The following PRICKLE1 variants were observed in gnomAD, a reference collection of about 807,000 sequenced individuals.
PRICKLE1 encodes the protein prickle planar cell polarity protein 1, also known as prickle-like protein 1.
In PRICKLE1, 14 loss-of-function variants were observed where a neutral mutation model predicts 70.2. The observed-to-expected ratio is 0.20, with a 90% CI of 0.13 to 0.31. The LOEUF (loss-of-function observed/expected upper bound fraction) is 0.31. Among genes scored for constraint, PRICKLE1 ranks in the 10% least tolerant of loss-of-function variants. PRICKLE1 has a pLI of 1.00. For synonymous variants in PRICKLE1, 357 were observed against 379.9 expected (o/e 0.94, Z 0.70); for missense variants, 821 against 1,026.2 (o/e 0.80, Z 2.73).
intron 1 of PRICKLE1, chr12:42,483,033 C>T (rs925658315): frequency 6.6e-6 from 1 of 152,576 alleles, no homozygotes; most frequent in Admixed American, 6.5e-5. Flanking sequence ...GAGCCAGAGG[C>T]CGAGCTCAGG....
At chr12:42,553,269 C>A (rs1210198184) in intron 1 of PRICKLE1, among the ~76,000 whole-genome samples, 1 of 151,918 alleles carries the variant, frequency 6.6e-6, no homozygotes, top group African/African-American at 2.4e-5. Context: ...ACGGTGAAAC[C>A]CTGTCTCTAC....
chr12:42,483,529 G>A (rs1938884208), intron 1 of PRICKLE1: 1 of 152,010 alleles, frequency 6.6e-6, no homozygotes, highest in Admixed American at 6.6e-5. Context: ...ACAGAGGGCT[G>A]GGTGCCCTAC....
intron 1 of PRICKLE1, among the ~76,000 whole-genome samples, chr12:42,516,462 T>G (rs1016825114): frequency 2.6e-5 from 4 of 152,188 alleles, no homozygotes; most frequent in Admixed American, 2.0e-4. Context: ...ATCCAAGAGT[T>G]CCTGTGTCCA....
chr12:42,509,014 C>T (rs1273433505), intron 1 of PRICKLE1, among the ~76,000 whole-genome samples: 2 of 152,170 alleles, frequency 1.3e-5, no homozygotes, highest in Non-Finnish European at 2.9e-5. Context: ...TATTTTAGAA[C>T]CTGTTGCTCC....
chr12:42,560,094 A>G (rs1940482747), intron 1 of PRICKLE1, among the ~76,000 whole-genome samples: 1 of 136,566 alleles, frequency 7.3e-6, no homozygotes, highest in Non-Finnish European at 1.6e-5. Flanking sequence ...TAATTGGGAA[A>G]TCTCCTTTAA....
intron 1 of PRICKLE1, among the ~76,000 whole-genome samples, chr12:42,479,818 G>C (rs1485100165): frequency 1.3e-5 from 2 of 152,092 alleles, no homozygotes; most frequent in East Asian, 3.8e-4. Flanking sequence ...AGCCGGGCAT[G>C]GTGGCGCATG....
At chr12:42,480,284 TTTGAAAAA>T (rs1938746581) in intron 1 of PRICKLE1, among the ~76,000 whole-genome samples, 1 of 152,216 alleles carries the variant, frequency 6.6e-6, no homozygotes, top group Non-Finnish European at 1.5e-5. Flanking sequence ...GCAACCATTC[TTTGAAAAA>T]GTTTGTCTAA....
At chr12:42,515,777 T>C (rs1430904006) in intron 1 of PRICKLE1, among the ~76,000 whole-genome samples, 1 of 152,196 alleles carries the variant, frequency 6.6e-6, no homozygotes, top group Admixed American at 6.5e-5. Context: ...ACATGAGAAC[T>C]TGTTTTCTTC....
rs1050361653 is a variant in PRICKLE1 at position 42,497,328 on chromosome 12, G to A, written c.-48-24764C>T. On this transcript the variant is annotated intron_variant, in intron 1 of 7. Transcript: ENST00000345127. ...TGGGAGGCCAGGGCGGGCGGATCAC[G>A]AGGTCAGGAGATCAAGATCATCCTG... 3.0e-4 allele frequency among the ~76,000 whole-genome samples: 45 copies of A among 152,080 alleles called. 1 individual carries two copies. Among genetic ancestry groups the A allele is most frequent in the Admixed American group, 2.7e-3 (41 of 15,276 alleles).
chr12:42,512,122 C>CA lies in PRICKLE1; in HGVS notation c.-48-39559dup, dbSNP rs34323382. Among the ~76,000 whole-genome samples the CA allele has an allele frequency of 5.5e-4, 82 of 150,286 alleles. 1 individual carries two copies. In the South Asian group the frequency reaches 0.014, roughly 26 times the overall value. On this transcript the variant is annotated intron_variant, in intron 1 of 7. Coordinates refer to ENST00000345127, the MANE Select transcript of PRICKLE1 (RefSeq NM_153026.3). ...AATGCCCCAAAGGATGGTCCCATTA[C>CA]AAAAAAAAAAGATAGGGTTCAGACA...
intron 1 of PRICKLE1, among the ~76,000 whole-genome samples, chr12:42,497,459 G>A (rs765856634): frequency 2.0e-5 from 3 of 148,784 alleles, no homozygotes; most frequent in South Asian, 2.1e-4. Context: ...TGAGGTGGGC[G>A]AATGGCGTGA....
At chr12:42,548,425 A>G (rs1940249597) in intron 1 of PRICKLE1, among the ~76,000 whole-genome samples, 1 of 152,246 alleles carries the variant, frequency 6.6e-6, no homozygotes, top group South Asian at 2.1e-4. Flanking sequence ...CTTCGTAAGC[A>G]TAAGTCAATA....
At chr12:42,474,275 A>AAAAAT (rs1185766922) in intron 1 of PRICKLE1, among the ~76,000 whole-genome samples, 2 of 152,240 alleles carry the variant, frequency 1.3e-5, no homozygotes, top group African/African-American at 4.8e-5. Context: ...CCGTCTCGAA[A>AAAAAT]AAAATAAAAT....
intron 1 of PRICKLE1, among the ~76,000 whole-genome samples, chr12:42,479,252 C>T (rs746792496): frequency 1.3e-5 from 2 of 152,206 alleles, no homozygotes; most frequent in South Asian, 2.1e-4. Flanking sequence ...ACCTGAGTTT[C>T]ATCTTCTTTT....
rs144703122 is a variant in PRICKLE1 at position 42,545,094 on chromosome 12, C to T, written c.-49+44371G>A. The stretch of plus-strand genomic sequence containing the variant: ...TCATGGCTCACTACAGCCTCAACCT[C>T]CTGGGCTCGAGTGATCCTCCTGCTT... On this transcript the variant is annotated intron_variant, in intron 1 of 7. Coordinates refer to ENST00000345127, the MANE Select transcript of PRICKLE1 (RefSeq NM_153026.3). Among the ~76,000 whole-genome samples the T allele has an allele frequency of 7.7e-3, 1,165 of 152,182 alleles. 9 individuals are homozygous for T. Among genetic ancestry groups the T allele is most frequent in the South Asian group, 0.016 (76 of 4,822 alleles).
At chr12:42,526,584 T>C (rs1939803244) in intron 1 of PRICKLE1, among the ~76,000 whole-genome samples, 2 of 151,658 alleles carry the variant, frequency 1.3e-5, no homozygotes, top group Admixed American at 1.3e-4. Flanking sequence ...CATGGGGAAA[T>C]TGGATAGAGA....
chr12:42,461,832 T>C (rs1937848769), intron 7 of PRICKLE1, among the ~76,000 whole-genome samples: 1 of 152,216 alleles, frequency 6.6e-6, no homozygotes, highest in Admixed American at 6.5e-5. Flanking sequence ...GGAGTCTCGC[T>C]CTGTCGCCCA....
chr12:42,517,237 A>G (rs1939626211), intron 1 of PRICKLE1, among the ~76,000 whole-genome samples: 1 of 151,776 alleles, frequency 6.6e-6, no homozygotes, highest in Admixed American at 6.6e-5. Flanking sequence ...CTTTTTTAAA[A>G]ATACTTTTAC....
chr12:42,531,936 T>C (rs1311908474), intron 1 of PRICKLE1, among the ~76,000 whole-genome samples: 1 of 152,164 alleles, frequency 6.6e-6, no homozygotes, highest in African/African-American at 2.4e-5. Context: ...AGTGGGAAGA[T>C]CGCTTGAACC....
Sources: allele counts gnomAD v4.1 joint callset (sites outside exome capture counted in the v4.1 genomes callset), GRCh38; gene constraint gnomAD v4.1.1; transcripts MANE v1.5; gene names NCBI Gene and HGNC (gene_info 2026-07-23, HGNC 2026-07-21).